The following RAP1GDS1 variants were observed in gnomAD, a reference collection of about 807,000 sequenced individuals.
The protein encoded by RAP1GDS1 is RAP1, GTP-GDP dissociation stimulator 1.
Under a neutral mutation model 71.1 loss-of-function variants are expected in RAP1GDS1, and 35 were observed. That is an observed-to-expected ratio of 0.49 (90% CI 0.38 to 0.65). RAP1GDS1 has a LOEUF of 0.65. RAP1GDS1 is among the 30% of genes least tolerant of loss of function. The pLI, the probability that RAP1GDS1 is intolerant of heterozygous loss-of-function variation, is 0.00. For missense variants in RAP1GDS1, 663 were observed against 706.1 expected (o/e 0.94, Z 0.69); for synonymous variants, 229 against 243.1 (o/e 0.94, Z 0.54).
At chr4:98,275,018 C>CTGTGTGTGTG (rs3974887) in intron 1 of RAP1GDS1, among the ~76,000 whole-genome samples, 6 of 144,840 alleles carry the variant, frequency 4.1e-5, no homozygotes, top group South Asian at 2.2e-4. Flanking sequence ...TTGTTTGCAG[C>CTGTGTGTGTG]TGTGTGTGTG....
intron 1 of RAP1GDS1, among the ~76,000 whole-genome samples, chr4:98,293,204 G>T (rs887593744): frequency 6.6e-6 from 1 of 152,112 alleles, no homozygotes; most frequent in Non-Finnish European, 1.5e-5. Context: ...ATAGCAGAAT[G>T]AATATTTCAT....
At chr4:98,403,120 TCAAAA>T (rs1176675029) in intron 6 of RAP1GDS1, among the ~76,000 whole-genome samples, 2 of 151,910 alleles carry the variant, frequency 1.3e-5, no homozygotes, top group Non-Finnish European at 2.9e-5. Context: ...GATGCTGCCA[TCAAAA>T]CAAAACAAAT....
intron 4 of RAP1GDS1, among the ~76,000 whole-genome samples, chr4:98,365,040 ATG>A (rs1739277964): frequency 6.6e-6 from 1 of 151,964 alleles, no homozygotes; most frequent in Non-Finnish European, 1.5e-5. Flanking sequence ...AAAAAAAAGT[ATG>A]TATGTGAATA....
intron 2 of RAP1GDS1, among the ~76,000 whole-genome samples, chr4:98,300,689 C>T (rs1425001057): frequency 6.6e-6 from 1 of 152,130 alleles, no homozygotes; most frequent in Non-Finnish European, 1.5e-5. Flanking sequence ...GCATGAGCCA[C>T]CGTGCCCAGC....
intron 1 of RAP1GDS1, among the ~76,000 whole-genome samples, chr4:98,280,702 G>C (rs927146455): frequency 6.6e-6 from 1 of 151,978 alleles, no homozygotes; most frequent in African/African-American, 2.4e-5. Context: ...TGTCCTGAAT[G>C]GTATTGTCTC....
chr4:98,320,396 G>T (rs1054214884), intron 2 of RAP1GDS1, among the ~76,000 whole-genome samples: 1 of 152,118 alleles, frequency 6.6e-6, no homozygotes, highest in African/African-American at 2.4e-5. Flanking sequence ...AAATGTCCCC[G>T]TTACGTGATT....
rs958826069 is a variant in RAP1GDS1, at chr4:98,442,476, C to G, written c.*359C>G. 1 of 234,700 alleles carries G rather than the reference C, an allele frequency of 4.3e-6. No individual in the cohort carries two copies. The highest frequency in any genetic ancestry group is 8.4e-6 in the Non-Finnish European group (1 of 118,968). The allele number at this position is 234,700 out of a possible 1,614,324, so 14.5% of individuals were successfully genotyped here. On this transcript the variant is annotated 3_prime_UTR_variant, in exon 15 of 15. Coordinates refer to ENST00000408927, the MANE Select transcript of RAP1GDS1 (RefSeq NM_001100427.2). Reference sequence around the variant, plus strand: ...TAATGATGTACTGGTAAACTAGAAACAAAGAATGCAGCAGGATCTGTCTAG... The same window carrying G: ...TAATGATGTACTGGTAAACTAGAAAGAAAGAATGCAGCAGGATCTGTCTAG...
chr4:98,442,131 C>T lies in RAP1GDS1; in HGVS notation c.*14C>T, dbSNP rs1398069714. The T allele has an allele frequency of 1.9e-6, 3 of 1,610,808 alleles. No homozygotes were observed. Among genetic ancestry groups the T allele is most frequent in the East Asian group, 2.2e-5 (1 of 44,860 alleles). ...GTGGAAAGCTGAGAACTGCCCGATACACGGCATCATCCCATCTCTAATTTC... is the reference window on the plus strand; with the variant it reads ...GTGGAAAGCTGAGAACTGCCCGATATACGGCATCATCCCATCTCTAATTTC... On this transcript the variant is annotated 3_prime_UTR_variant, in exon 15 of 15. Coordinates refer to ENST00000408927, the MANE Select transcript of RAP1GDS1 (RefSeq NM_001100427.2).
At chr4:98,426,834 A>G (rs1176754743) in intron 12 of RAP1GDS1, among the ~76,000 whole-genome samples, 1 of 152,180 alleles carries the variant, frequency 6.6e-6, no homozygotes, top group African/African-American at 2.4e-5. Context: ...ATTCCAAAAG[A>G]TAGAGAAAGA....
Position 98,421,255 on chromosome 4 carries a change from C to T in RAP1GDS1, c.1301C>T (p.Ala434Val), listed in dbSNP as rs1748814921. 1 of 1,602,798 alleles carries T rather than the reference C, an allele frequency of 6.2e-7. No individual in the cohort carries two copies. The highest frequency in any genetic ancestry group is 1.3e-5 in the African/African-American group (1 of 74,752). ...GTLRMLIDAQ[A>V]EAAEQLGKNV... The stretch of plus-strand genomic sequence containing the variant: ...CCTTGGTTTGCCTTCTTTCCTATAG[C>T]AGAAGCTGCTGAACAATTGGGAAAG... Residue 434 changes from alanine (A) to valine (V), a missense_variant and splice_region_variant, in exon 12 of 15, where the codon GCA (alanine) becomes GTA (valine). Ala to Val is a moderately conservative substitution (Grantham distance 64). Transcript: ENST00000408927.
At chr4:98,289,050 G>GT (rs1484167485) in intron 1 of RAP1GDS1, among the ~76,000 whole-genome samples, 2 of 152,112 alleles carry the variant, frequency 1.3e-5, no homozygotes, top group African/African-American at 4.8e-5. Context: ...TTGCTAAGAA[G>GT]TAAGATAATT....
intron 6 of RAP1GDS1, among the ~76,000 whole-genome samples, chr4:98,399,180 A>G (rs1257468452): frequency 6.6e-6 from 1 of 152,218 alleles, no homozygotes; most frequent in Non-Finnish European, 1.5e-5. Context: ...TTTATGTATA[A>G]GACGTCAGAA....
In RAP1GDS1 at chr4:98,379,097, G is replaced by C; in HGVS notation, c.442G>C (p.Asp148His). ...DHLRSLCSIT[D>H]PANEKLLTVF... is the part of the protein sequence containing the mutation. ...TTTAAGGTCACTGTGCAGTATAACA[G>C]ATCCCGCCAATGAGAAGCTCTTGAC... The change falls in exon 5 of 15, where the codon GAT (aspartate) becomes CAT (histidine). Residue 148 changes from aspartate (D) to histidine (H), a missense_variant. Coordinates refer to ENST00000408927, the MANE Select transcript of RAP1GDS1 (RefSeq NM_001100427.2). The C allele has an allele frequency of 6.2e-7, 1 of 1,610,996 alleles. No individual in the cohort carries two copies. Among genetic ancestry groups the C allele is most frequent in the Non-Finnish European group, 8.5e-7 (1 of 1,178,360 alleles).
chr4:98,308,156 A>G (rs531639758), intron 2 of RAP1GDS1, among the ~76,000 whole-genome samples: 70 of 148,934 alleles, frequency 4.7e-4, no homozygotes, highest in African/African-American at 1.5e-3. Flanking sequence ...GTGTGTATAT[A>G]TGTGTGTGTG....
At chr4:98,343,835 A>G (rs1735851132) in intron 3 of RAP1GDS1, among the ~76,000 whole-genome samples, 1 of 152,242 alleles carries the variant, frequency 6.6e-6, no homozygotes, top group South Asian at 2.1e-4. Context: ...ATTATATCAT[A>G]GCATAAATAT....
intron 3 of RAP1GDS1, among the ~76,000 whole-genome samples, chr4:98,351,419 A>G (rs1431128681): frequency 6.6e-6 from 1 of 152,226 alleles, no homozygotes; most frequent in East Asian, 1.9e-4. Context: ...GTATGCTCTA[A>G]GAATTTGAAA....
At chr4:98,336,489 A>G (rs770597259) in intron 2 of RAP1GDS1, among the ~76,000 whole-genome samples, 25 of 152,242 alleles carry the variant, frequency 1.6e-4, no homozygotes, top group Non-Finnish European at 3.1e-4. Context: ...TATCAAAATC[A>G]TTTACTGTAA....
Position 98,311,960 on chromosome 4 carries a change from C to A in RAP1GDS1, c.112+18445C>A, listed in dbSNP as rs367944687. 3.7e-4 allele frequency among the ~76,000 whole-genome samples: 57 copies of A among 152,160 alleles called. No homozygotes were observed. The South Asian group carries it at 0.011, about 28-fold the overall frequency. ...AGCTTCATTTTTATGTTCTTAAAAA[C>A]AATTAGGCAGGGGACAATGAAATTG... On this transcript the variant is annotated intron_variant, in intron 2 of 14. Coordinates refer to ENST00000408927, the MANE Select transcript of RAP1GDS1 (RefSeq NM_001100427.2).
At chr4:98,416,333 A>C (rs1266455265) in intron 7 of RAP1GDS1, among the ~76,000 whole-genome samples, 1 of 69,740 alleles carries the variant, frequency 1.4e-5, no homozygotes, top group African/African-American at 6.2e-5. Flanking sequence ...GCATTTTCTT[A>C]GTTTTTTTTT....
Sources: gnomAD v4.1 joint callset for allele counts (sites outside exome capture counted in the v4.1 genomes callset) on GRCh38, gnomAD v4.1.1 for gene constraint, MANE v1.5 for transcripts, NCBI Gene and HGNC (gene_info 2026-07-23, HGNC 2026-07-21) for gene names.